The following RICTOR variants were observed in gnomAD, a reference collection of about 807,000 sequenced individuals.
RICTOR encodes rapamycin-insensitive companion of mTOR.
A neutral mutation model predicts 214.9 loss-of-function variants in RICTOR; 49 were observed. The ratio of observed to expected loss-of-function variants is 0.23; its 90% CI spans 0.18 to 0.29. RICTOR has a LOEUF of 0.29. Among genes scored for constraint, RICTOR ranks in the 10% least tolerant of loss-of-function variants. The pLI is 1.00. For missense variants in RICTOR, 1,625 were observed against 2,047.0 expected (o/e 0.79, Z 3.98); for synonymous variants, 717 against 711.3 (o/e 1.01, Z -0.13).
In RICTOR at chr5:39,002,618, C is replaced by G. The variant is rs755094770; in HGVS notation, c.309G>C (p.Gly103=). ...GGATGAGATATCGAAGCGCTCGTAGCCCTGCTGCTCGCACTTCTTTTGCTT... is the reference window on the plus strand; with the variant it reads ...GGATGAGATATCGAAGCGCTCGTAGGCCTGCTGCTCGCACTTCTTTTGCTT... ...LNEAKEVRAA[G]LRALRYLIQD... Residue 103 remains glycine, a synonymous_variant, in exon 5 of 38, where the codon GGG becomes GGC. Coordinates refer to ENST00000357387, the MANE Select transcript of RICTOR (RefSeq NM_152756.5). 6.2e-7 allele frequency: 1 copy of G among 1,610,494 alleles called. No homozygotes were observed. Among genetic ancestry groups the G allele is most frequent in the Non-Finnish European group, 8.5e-7 (1 of 1,178,364 alleles).
intron 3 of RICTOR, among the ~76,000 whole-genome samples, chr5:39,006,612 AG>A (rs1295527865): frequency 6.6e-6 from 1 of 151,370 alleles, no homozygotes; most frequent in East Asian, 1.9e-4. Flanking sequence ...AGCTGATAAA[AG>A]TTCACTACCC....
intron 3 of RICTOR, among the ~76,000 whole-genome samples, chr5:39,008,495 C>T (rs758571706): frequency 6.6e-6 from 1 of 151,892 alleles, no homozygotes; most frequent in Non-Finnish European, 1.5e-5. Flanking sequence ...GACGCCAGAG[C>T]CCACTATGAA....
At chr5:39,000,145 T>C (rs974900648) in intron 5 of RICTOR, among the ~76,000 whole-genome samples, 2 of 151,928 alleles carry the variant, frequency 1.3e-5, no homozygotes, top group East Asian at 3.8e-4. Context: ...AAGCATTATA[T>C]GGGTGAAAAA....
intron 8 of RICTOR, among the ~76,000 whole-genome samples, chr5:38,980,215 C>T (rs1165600252): frequency 6.6e-6 from 1 of 152,068 alleles, no homozygotes; most frequent in East Asian, 1.9e-4. Flanking sequence ...TCTGAATCAC[C>T]TGCAAGCATG....
At chr5:38,949,319 TA>T (rs1579877201) in intron 31 of RICTOR, 3 of 1,316,030 alleles carry the variant, frequency 2.3e-6, no homozygotes, top group Non-Finnish European at 3.1e-6. Context: ...AAAAAAATAA[TA>T]AAGAGGTCAA....
At chr5:38,993,260 T>G (rs60917228) in intron 6 of RICTOR, among the ~76,000 whole-genome samples, 13,196 of 152,214 alleles carry the variant, frequency 0.087, 741 homozygotes, top group Middle Eastern at 0.14. Flanking sequence ...ATGAATCTCT[T>G]TCAAATGTAA....
chr5:39,065,219 T>C lies in RICTOR; in HGVS notation c.97+8892A>G, dbSNP rs571974348. Among the ~76,000 whole-genome samples, 77 of 152,220 alleles carry C rather than the reference T, an allele frequency of 5.1e-4. 1 individual carries two copies. The highest frequency in any genetic ancestry group is 1.8e-3 in the African/African-American group (74 of 41,538). On this transcript the variant is annotated intron_variant, in intron 2 of 37. Coordinates refer to ENST00000357387, the MANE Select transcript of RICTOR (RefSeq NM_152756.5). ...TTTTACTCATAGCAAAGACGAAGCG[T>C]GTGCAGGCATCTCACATGGCAGAGC...
intron 24 of RICTOR, 77 bp from the exon 25 acceptor site, chr5:38,957,807 T>A: frequency 1.3e-6 from 1 of 789,200 alleles, no homozygotes; most frequent in South Asian, 1.7e-5. Flanking sequence ...TAACTAAAAT[T>A]TAAAAAAGTA....
At chr5:38,948,299 A>G (rs895734124) in intron 31 of RICTOR, among the ~76,000 whole-genome samples, 1 of 152,174 alleles carries the variant, frequency 6.6e-6, no homozygotes, top group Admixed American at 6.6e-5. Context: ...AAAACACACA[A>G]AAGAAATGCT....
chr5:38,992,776 T>C (rs1752881899), intron 6 of RICTOR, among the ~76,000 whole-genome samples: 1 of 152,184 alleles, frequency 6.6e-6, no homozygotes, highest in Admixed American at 6.6e-5. Flanking sequence ...AATCAATGAA[T>C]GCTCAGTAAG....
At chr5:38,966,842 C>T (rs1750273486) in intron 14 of RICTOR, 121 bp from the exon 15 acceptor site, 1 of 607,208 alleles carries the variant, frequency 1.6e-6, no homozygotes, top group Non-Finnish European at 2.9e-6. Context: ...GCTCTGTTGC[C>T]CAGGCTGGAA....
At chr5:39,042,613 GTTCATACCGGTT>G (rs1475308769) in intron 2 of RICTOR, among the ~76,000 whole-genome samples, 1 of 152,106 alleles carries the variant, frequency 6.6e-6, no homozygotes, top group African/African-American at 2.4e-5. Flanking sequence ...TACCTTCAGT[GTTCATACCGGTT>G]TATAATTACA....
At chr5:38,949,469 G>A (rs977241692) in intron 31 of RICTOR, 1 of 1,502,348 alleles carries the variant, frequency 6.7e-7, no homozygotes, top group Non-Finnish European at 9.0e-7. Context: ...CTTGTGACTT[G>A]TATGTCCTTT....
rs577374124 is a variant in RICTOR at position 38,952,218 on chromosome 5, A to G, written c.3105T>C (p.Ser1035=). Residue 1035 remains serine (S), a synonymous_variant, in exon 30 of 38, where the codon AGT becomes AGC. Transcript: ENST00000357387. Reference sequence around the variant, plus strand: ...CACTCGATGGCACAGATTCACTTTCACTATTATGTCTAGAGCTGGTTGACT... The same window carrying G: ...CACTCGATGGCACAGATTCACTTTCGCTATTATGTCTAGAGCTGGTTGACT... ...NSESTSSRHN[S]ESESVPSSMF... The G allele has an allele frequency of 4.4e-6, 7 of 1,608,486 alleles. No homozygotes were observed. The highest frequency in any genetic ancestry group is 6.0e-6 in the Non-Finnish European group (7 of 1,175,458).
Position 38,940,136 on chromosome 5 carries a change from A to AG in RICTOR, c.*2167_*2168insC. The AG allele has an allele frequency of 4.8e-6, 1 of 206,234 alleles. No individual in the cohort carries two copies. The highest frequency in any genetic ancestry group is 6.4e-5 in the East Asian group (1 of 15,540). 12.8% of individuals were successfully genotyped at this position (206,234 alleles called of 1,614,324 possible). On this transcript the variant is annotated 3_prime_UTR_variant, in exon 38 of 38. Transcript: ENST00000357387. ...ATATTTTTCAAAGTAACAGTAAAAA[A>AG]AAAAAACAAAAAAAAAAACACAAAA...
intron 2 of RICTOR, among the ~76,000 whole-genome samples, chr5:39,066,780 C>A (rs1758936889): frequency 6.6e-6 from 1 of 152,236 alleles, no homozygotes; most frequent in African/African-American, 2.4e-5. Context: ...CAGGTCCCTA[C>A]AGAATGAACA....
At position 38,981,943 on chromosome 5, in the gene RICTOR, G is replaced by A; in HGVS notation, c.677C>T (p.Ala226Val). Residue 226 changes from alanine (A) to valine (V), a missense_variant, in exon 8 of 38, where the codon GCC becomes GTC. By Grantham distance (64) the Ala-to-Val change is moderately conservative (BLOSUM62 0). Coordinates refer to ENST00000357387, the MANE Select transcript of RICTOR (RefSeq NM_152756.5). ...AAGGTGCAAAATTGTAGTAATTAGG[G>A]CCTCATTTATTCGACTTAATTGGCA... ...IDCQLSRINEALITTILHLLN... is the reference protein window; with the variant it reads ...IDCQLSRINEVLITTILHLLN... 3 of 1,612,450 alleles carry A rather than the reference G, an allele frequency of 1.9e-6. No individual in the cohort carries two copies. Among genetic ancestry groups the A allele is most frequent in the Non-Finnish European group, 2.5e-6 (3 of 1,178,546 alleles).
At chr5:38,996,214 A>G (rs940338298) in intron 6 of RICTOR, among the ~76,000 whole-genome samples, 2 of 152,208 alleles carry the variant, frequency 1.3e-5, no homozygotes, top group Non-Finnish European at 2.9e-5. Flanking sequence ...TCCCAACCAT[A>G]TTTACTCTCA....
intron 3 of RICTOR, among the ~76,000 whole-genome samples, chr5:39,016,415 C>T (rs1047084908): frequency 6.1e-5 from 9 of 147,840 alleles, no homozygotes; most frequent in East Asian, 4.0e-4. Flanking sequence ...GATGAAGGGG[C>T]GAAAGGAAGA....
Sources: gnomAD v4.1 joint callset for allele counts (sites outside exome capture counted in the v4.1 genomes callset) on GRCh38, gnomAD v4.1.1 for gene constraint, MANE v1.5 for transcripts, NCBI Gene and HGNC (gene_info 2026-07-23, HGNC 2026-07-21) for gene names.